ADAM18: variants seen among roughly 807,000 people sequenced by gnomAD.
ADAM18 encodes the protein ADAM metallopeptidase domain 18.
Under a neutral mutation model 94.4 loss-of-function variants are expected in ADAM18, and 117 were observed. The observed-to-expected ratio is 1.24, with a 90% confidence interval of 1.07 to 1.45. The LOEUF is 1.45. Among genes scored for constraint, ADAM18 ranks in the 40% most tolerant of loss-of-function variants. The pLI, the probability that ADAM18 is intolerant of heterozygous loss-of-function variation, is 0.00. For missense variants in ADAM18, 936 were observed against 880.0 expected, an observed-to-expected ratio of 1.06 and a Z score of -0.81; for synonymous variants, 327 against 291.6, an observed-to-expected ratio of 1.12 and a Z score of -1.24.
At chr8:39,625,234 G>A (rs1018316010) in intron 6 of ADAM18, among the ~76,000 whole-genome samples, 7 of 152,028 alleles carry the variant, frequency 4.6e-5, no homozygotes, top group African/African-American at 1.7e-4. Flanking sequence ...AGTTTTTCTT[G>A]TAAAGAGCTT....
At chr8:39,649,815 C>T (rs950720871) in intron 12 of ADAM18, among the ~76,000 whole-genome samples, 20 of 80,858 alleles carry the variant, frequency 2.5e-4, no homozygotes, top group Non-Finnish European at 5.8e-4. Context: ...TACCAGATTC[C>T]TTTCTCCTTG....
At chr8:39,684,186 G>A (rs1165356596) in intron 16 of ADAM18, among the ~76,000 whole-genome samples, 2 of 151,900 alleles carry the variant, frequency 1.3e-5, no homozygotes, top group African/African-American at 2.4e-5. Flanking sequence ...ACAATAAATT[G>A]ATGAGTTTAG....
intron 10 of ADAM18, among the ~76,000 whole-genome samples, chr8:39,643,857 A>G (rs1322484375): frequency 6.6e-6 from 1 of 151,152 alleles, no homozygotes; most frequent in Middle Eastern, 3.2e-3. Context: ...TCTAGTATCA[A>G]AAGTCTAGCT....
At chr8:39,672,085 C>T (rs868032279) in intron 14 of ADAM18, among the ~76,000 whole-genome samples, 2 of 152,020 alleles carry the variant, frequency 1.3e-5, no homozygotes, top group Non-Finnish European at 2.9e-5. Flanking sequence ...AAAGATTACT[C>T]GCCCTAAGTG....
chr8:39,687,869 C>A (rs1821650394), intron 16 of ADAM18, among the ~76,000 whole-genome samples: 1 of 152,100 alleles, frequency 6.6e-6, no homozygotes, highest in Non-Finnish European at 1.5e-5. Flanking sequence ...ATCCAGCCCA[C>A]CATTAATGGG....
At chr8:39,606,229 A>G (rs1259069347) in intron 2 of ADAM18, 78 bp from the exon 3 acceptor site, 3 of 770,140 alleles carry the variant, frequency 3.9e-6, no homozygotes, top group Admixed American at 3.3e-5. Context: ...GACTCTTTTT[A>G]TTAACTTGGA....
At chr8:39,692,737 A>T in intron 17 of ADAM18, 57 bp downstream of exon 17, 1 of 1,408,814 alleles carries the variant, frequency 7.1e-7, no homozygotes, top group Non-Finnish European at 9.9e-7. Context: ...TCAAATAAAC[A>T]TCTGTTTATG....
chr8:39,649,371 CACAT>C (rs949638532), intron 12 of ADAM18, among the ~76,000 whole-genome samples: 1 of 150,432 alleles, frequency 6.6e-6, no homozygotes, highest in African/African-American at 2.4e-5. Context: ...AGTACACACA[CACAT>C]ACATGTATAT....
At chr8:39,622,302 CATAT>C (rs1819638566) in intron 6 of ADAM18, among the ~76,000 whole-genome samples, 1 of 148,706 alleles carries the variant, frequency 6.7e-6, no homozygotes, top group Admixed American at 6.7e-5. Flanking sequence ...CATAATTTTA[CATAT>C]ATAATATACA....
chr8:39,722,622 CACTGCACAATATA>C (rs1822791845), intron 18 of ADAM18, among the ~76,000 whole-genome samples: 1 of 151,478 alleles, frequency 6.6e-6, no homozygotes, highest in Admixed American at 6.6e-5. Flanking sequence ...TAGACTTCAC[CACTGCACAATATA>C]TCCATGCAGC....
intron 17 of ADAM18, among the ~76,000 whole-genome samples, chr8:39,693,537 G>A (rs1821840405): frequency 6.7e-6 from 1 of 150,318 alleles, no homozygotes; most frequent in South Asian, 2.1e-4. Context: ...TACGTTTTTT[G>A]TATAACTTTA....
At chr8:39,674,216 AG>A (rs1563301370) in intron 14 of ADAM18, among the ~76,000 whole-genome samples, 3 of 152,110 alleles carry the variant, frequency 2.0e-5, no homozygotes, top group African/African-American at 7.2e-5. Context: ...TAATATTGAC[AG>A]GGGGGTGTTA....
At chr8:39,700,522 A>G (rs879559012) in intron 17 of ADAM18, among the ~76,000 whole-genome samples, 10 of 152,300 alleles carry the variant, frequency 6.6e-5, no homozygotes, top group Middle Eastern at 3.4e-3. Flanking sequence ...ATATTTTGCA[A>G]TTAATCTTTC....
At chr8:39,698,536 T>A (rs1324197317) in intron 17 of ADAM18, among the ~76,000 whole-genome samples, 1 of 152,008 alleles carries the variant, frequency 6.6e-6, no homozygotes, top group East Asian at 1.9e-4. Flanking sequence ...CCCCAACACA[T>A]CAGGAGTCAC....
intron 6 of ADAM18, chr8:39,611,156 C>G (rs1819261648): frequency 1.7e-5 from 15 of 894,062 alleles, no homozygotes; most frequent in Non-Finnish European, 2.0e-5. Context: ...TTTCTTTCAG[C>G]ACTTTGAATA....
intron 12 of ADAM18, among the ~76,000 whole-genome samples, chr8:39,654,673 C>T (rs1196423895): frequency 1.3e-5 from 2 of 152,004 alleles, no homozygotes; most frequent in Non-Finnish European, 2.9e-5. Flanking sequence ...CATGTGCAAG[C>T]GTTTCCCTTT....
intron 18 of ADAM18, among the ~76,000 whole-genome samples, chr8:39,711,802 G>A (rs1046505143): frequency 6.6e-6 from 1 of 151,874 alleles, no homozygotes; most frequent in African/African-American, 2.4e-5. Context: ...CATTTTGTGA[G>A]TACCATATGG....
At chr8:39,720,323 G>A (rs76340193) in intron 18 of ADAM18, among the ~76,000 whole-genome samples, 4,039 of 151,436 alleles carry the variant, frequency 0.027, 195 homozygotes, top group African/African-American at 0.093. Flanking sequence ...CAACATGGCA[G>A]GATCAATGGG....
intron 6 of ADAM18, among the ~76,000 whole-genome samples, chr8:39,626,198 C>T (rs1434012121): frequency 6.6e-6 from 1 of 152,088 alleles, no homozygotes; most frequent in African/African-American, 2.4e-5. Flanking sequence ...AGTTTGTGTG[C>T]ATAGAAGTGT....
Sources: allele counts gnomAD v4.1 joint callset (sites outside exome capture counted in the v4.1 genomes callset), GRCh38; gene constraint gnomAD v4.1.1; transcripts MANE v1.5; gene names NCBI Gene and HGNC (gene_info 2026-07-23, HGNC 2026-07-21).